NPAT: variants seen among roughly 807,000 people sequenced by gnomAD.
The protein encoded by NPAT is protein NPAT.
NPAT carries 52 observed loss-of-function variants against 130.7 expected under a neutral mutation model. That is an observed-to-expected ratio of 0.40 (90% CI 0.32 to 0.50). The LOEUF is 0.50. Ranked by LOEUF, NPAT falls within the 20% of genes least tolerant of loss-of-function variation. NPAT has a pLI of 0.68. For synonymous variants in NPAT, 580 were observed against 584.8 expected, an observed-to-expected ratio of 0.99 and a Z score of 0.12; for missense variants, 1,687 against 1,662.6, an observed-to-expected ratio of 1.01 and a Z score of -0.26.
chr11:108,211,554 A>G (rs2078384168), intron 1 of NPAT, among the ~76,000 whole-genome samples: 1 of 152,160 alleles, frequency 6.6e-6, no homozygotes, highest in Admixed American at 6.5e-5. Flanking sequence ...AGGAAAAAAA[A>G]AAAAAAAAAT....
At chr11:108,169,641 T>C (rs528585151) in intron 15 of NPAT, 103 bp downstream of exon 15, 4 of 860,164 alleles carry the variant, frequency 4.7e-6, no homozygotes, top group South Asian at 4.1e-5. Flanking sequence ...TGATCACTTG[T>C]TTTAAAATGG....
chr11:108,212,711 A>C (rs1257457472), intron 1 of NPAT, among the ~76,000 whole-genome samples: 2 of 151,638 alleles, frequency 1.3e-5, no homozygotes, highest in African/African-American at 4.8e-5. Flanking sequence ...CTGGGAGGCC[A>C]AGGCAGGCAG....
intron 2 of NPAT, among the ~76,000 whole-genome samples, chr11:108,196,240 T>C (rs2078219243): frequency 6.6e-6 from 1 of 152,248 alleles, no homozygotes; most frequent in Non-Finnish European, 1.5e-5. Flanking sequence ...TGCAATGAAT[T>C]GTCTTTAATC....
intron 1 of NPAT, among the ~76,000 whole-genome samples, chr11:108,215,026 C>G (rs558175075): frequency 1.3e-5 from 2 of 152,284 alleles, no homozygotes; most frequent in East Asian, 3.9e-4. Flanking sequence ...CCATCGCTTC[C>G]AGCCAAACTG....
At chr11:108,182,521 G>A (rs373942545) in intron 10 of NPAT, among the ~76,000 whole-genome samples, 2 of 152,162 alleles carry the variant, frequency 1.3e-5, no homozygotes, top group South Asian at 2.1e-4. Flanking sequence ...GTTCTGAAAC[G>A]GAGTCTCACT....
chr11:108,203,535 A>C (rs1381730717), intron 1 of NPAT, among the ~76,000 whole-genome samples: 3 of 152,218 alleles, frequency 2.0e-5, no homozygotes, highest in Non-Finnish European at 4.4e-5. Flanking sequence ...CAGTACCCGA[A>C]GTACCAGTGT....
At chr11:108,182,436 G>A (rs1308656945) in intron 10 of NPAT, among the ~76,000 whole-genome samples, 3 of 152,154 alleles carry the variant, frequency 2.0e-5, no homozygotes, top group African/African-American at 7.2e-5. Flanking sequence ...GCTACTTCTC[G>A]AGCCTTTTGG....
chr11:108,177,808 C>T (rs2078023359), intron 10 of NPAT, among the ~76,000 whole-genome samples: 2 of 152,054 alleles, frequency 1.3e-5, no homozygotes, highest in African/African-American at 4.8e-5. Flanking sequence ...GCAGCCTTGA[C>T]CTCCCGAGCT....
intron 10 of NPAT, among the ~76,000 whole-genome samples, chr11:108,180,263 G>C (rs1565314664): frequency 6.6e-6 from 1 of 152,152 alleles, no homozygotes; most frequent in Admixed American, 6.5e-5. Context: ...AAGAGGTTCA[G>C]GCTGCAGTGA....
chr11:108,159,013 T>C lies in NPAT; in HGVS notation c.4213A>G (p.Lys1405Glu). Residue 1405 changes from lysine (K) to glutamate (E), a missense_variant, in exon 18 of 18, where the codon AAG becomes GAG. Around this residue, in one of 3 missense-constraint regions of NPAT, gnomAD observed 1,379 missense variants for 1,346.6 expected, o/e 1.02. Coordinates refer to ENST00000278612, the MANE Select transcript of NPAT (RefSeq NM_002519.3). ...CCTGCTGGAAATGAACTGGGAAGCTTCTTTTTCTGTTGAAAAAGAGAAAGA... is the reference window on the plus strand; with the variant it reads ...CCTGCTGGAAATGAACTGGGAAGCTCCTTTTTCTGTTGAAAAAGAGAAAGA... ...PMKKKKIKKKKLPSSFPAGMD... is the reference protein window; with the variant it reads ...PMKKKKIKKKELPSSFPAGMD... 6.2e-7 allele frequency: 1 copy of C among 1,603,492 alleles called. No homozygotes were observed.
intron 1 of NPAT, among the ~76,000 whole-genome samples, chr11:108,203,938 T>C (rs1037192226): frequency 2.6e-5 from 4 of 152,224 alleles, no homozygotes; most frequent in Non-Finnish European, 5.9e-5. Context: ...TTGTAAAATT[T>C]GTTTCTTCTC....
chr11:108,191,970 C>A, intron 4 of NPAT, 148 bp downstream of exon 4: 1 of 660,312 alleles, frequency 1.5e-6, no homozygotes, highest in South Asian at 1.8e-5. Flanking sequence ...TTATGTCAGT[C>A]AGTAACCTCC....
At chr11:108,177,999 G>A (rs563506326) in intron 10 of NPAT, among the ~76,000 whole-genome samples, 12 of 152,214 alleles carry the variant, frequency 7.9e-5, no homozygotes, top group Admixed American at 7.9e-4. Flanking sequence ...GGGACTACAG[G>A]CATGAGTTAC....
chr11:108,183,544 G>A (rs969067068), intron 10 of NPAT, among the ~76,000 whole-genome samples: 1 of 152,156 alleles, frequency 6.6e-6, no homozygotes, highest in African/African-American at 2.4e-5. Flanking sequence ...GCTCATGCCT[G>A]TAATCCCAGC....
chr11:108,161,026 C>G lies in NPAT; in HGVS notation c.4060G>C (p.Asp1354His). The change falls in exon 17 of 18, where the codon GAT becomes CAT. Residue 1354 changes from aspartate (D) to histidine (H), a missense_variant. By Grantham distance (81) the Asp-to-His change is moderately conservative. This residue lies in a region of NPAT where 1,379 missense variants were observed against 1,346.6 expected (regional missense o/e 1.02). Transcript: ENST00000278612. Reference protein sequence around the residue: ...SRTTSATPLKDNTQQFRASSR... With the variant: ...SRTTSATPLKHNTQQFRASSR... ...GATGCTCTAAACTGTTGTGTGTTATCTTTCAGAGGAGTTGCTGAAGTAGTC... is the reference window on the plus strand; with the variant it reads ...GATGCTCTAAACTGTTGTGTGTTATGTTTCAGAGGAGTTGCTGAAGTAGTC... 6.2e-7 allele frequency: 1 copy of G among 1,614,126 alleles called. No homozygotes were observed. The highest frequency in any genetic ancestry group is 8.5e-7 in the Non-Finnish European group (1 of 1,180,022).
At chr11:108,166,785 T>C (rs1393744732) in intron 15 of NPAT, among the ~76,000 whole-genome samples, 1 of 152,236 alleles carries the variant, frequency 6.6e-6, no homozygotes, top group Non-Finnish European at 1.5e-5. Flanking sequence ...ATAGATTTTA[T>C]AGTTTTTCCC....
chr11:108,185,849 C>T (rs927056218), intron 8 of NPAT, among the ~76,000 whole-genome samples: 1 of 152,194 alleles, frequency 6.6e-6, no homozygotes, highest in Non-Finnish European at 1.5e-5. Flanking sequence ...TGTGCCTTAG[C>T]CTCCTGAATA....
chr11:108,221,032 T>C (rs2078484548), intron 1 of NPAT, among the ~76,000 whole-genome samples: 1 of 152,240 alleles, frequency 6.6e-6, no homozygotes, highest in Non-Finnish European at 1.5e-5. Flanking sequence ...GCAGAGTAGC[T>C]GGTTTGTGGA....
chr11:108,186,798 A>G (rs1252962824), intron 7 of NPAT, among the ~76,000 whole-genome samples: 1 of 152,198 alleles, frequency 6.6e-6, no homozygotes, highest in Non-Finnish European at 1.5e-5. Context: ...AGCACACTGC[A>G]TATAGGCAGG....
Sources: gnomAD v4.1 joint callset for allele counts (sites outside exome capture counted in the v4.1 genomes callset) on GRCh38, gnomAD v4.1.1 for gene constraint, gnomAD v4.1.1 regional missense constraint, MANE v1.5 for transcripts, NCBI Gene and HGNC (gene_info 2026-07-23, HGNC 2026-07-21) for gene names.